IL1RAPL1: variants seen among roughly 807,000 people sequenced by gnomAD.
The protein encoded by IL1RAPL1 is interleukin-1 receptor accessory protein-like 1.
IL1RAPL1 carries 3 observed loss-of-function variants against 48.4 expected under a neutral mutation model. The ratio of observed to expected loss-of-function variants is 0.06; its 90% CI spans 0.03 to 0.16. The LOEUF is 0.16. Ranked by LOEUF, IL1RAPL1 falls within the 10% of genes least tolerant of loss-of-function variation. The pLI, the probability that IL1RAPL1 is intolerant of heterozygous loss-of-function variation, is 1.00. For synonymous variants in IL1RAPL1, 185 were observed against 187.7 expected, an observed-to-expected ratio of 0.99 and a Z score of 0.12; for missense variants, 349 against 530.6, an observed-to-expected ratio of 0.66 and a Z score of 3.36.
intron 6 of IL1RAPL1, among the ~76,000 whole-genome samples, chrX:29,791,726 C>CTT (rs1192890486): frequency 1.3e-5 from 1 of 75,367 alleles, no homozygotes; most frequent in Non-Finnish European, 2.5e-5. Flanking sequence ...GCCCAGCCTT[C>CTT]TTTTTTTTTT....
chrX:28,601,282 G>A lies in IL1RAPL1; in HGVS notation c.-25+13235G>A, dbSNP rs540979101. On this transcript the variant is annotated intron_variant, in intron 1 of 10. Transcript: ENST00000378993. ...AAAAAAATACAATAATTAGCTGGGC[G>A]TGGTGGCGCGTGCCTGTAGTACCAG... Among the ~76,000 whole-genome samples, 51 of 110,706 alleles carry A rather than the reference G, an allele frequency of 4.6e-4. No individual in the cohort carries two copies. In the South Asian group the frequency reaches 7.0e-3, roughly 15 times the overall value.
chrX:29,239,929 A>T (rs1307096279), intron 2 of IL1RAPL1, among the ~76,000 whole-genome samples: 9 of 108,842 alleles, frequency 8.3e-5, no homozygotes, highest in Non-Finnish European at 7.6e-5. Flanking sequence ...ATCCTTCTTC[A>T]GTAGCCATAT....
chrX:28,896,829 G>A (rs1922931004), intron 2 of IL1RAPL1, among the ~76,000 whole-genome samples: 2 of 110,112 alleles, frequency 1.8e-5, no homozygotes, highest in Admixed American at 1.9e-4. Flanking sequence ...GAGTAGGGAG[G>A]GAACAATGTG....
At chrX:29,328,412 C>T (rs1435263556) in intron 3 of IL1RAPL1, among the ~76,000 whole-genome samples, 1 of 110,803 alleles carries the variant, frequency 9.0e-6, no homozygotes, top group Non-Finnish European at 1.9e-5. Context: ...CTATTATACA[C>T]ACTGTACCAA....
chrX:28,946,362 G>T (rs182457532), intron 2 of IL1RAPL1, among the ~76,000 whole-genome samples: 31 of 110,438 alleles, frequency 2.8e-4, no homozygotes, highest in Admixed American at 6.8e-4. Context: ...TTAAAGTAAG[G>T]CCTCTGAAAA....
chrX:29,052,593 A>G (rs1927117849), intron 2 of IL1RAPL1, among the ~76,000 whole-genome samples: 1 of 106,688 alleles, frequency 9.4e-6, no homozygotes, highest in Non-Finnish European at 1.9e-5. Flanking sequence ...AGCCTCTGGT[A>G]ACCACCACTC....
intron 6 of IL1RAPL1, among the ~76,000 whole-genome samples, chrX:29,711,180 T>A (rs1281893003): frequency 1.0e-5 from 1 of 98,603 alleles, no homozygotes; most frequent in African/African-American, 4.2e-5. Flanking sequence ...GGTCCTTTTT[T>A]TTTCTTTTCT....
chrX:29,608,148 A>G (rs1052131722), intron 5 of IL1RAPL1, among the ~76,000 whole-genome samples: 1 of 111,874 alleles, frequency 8.9e-6, no homozygotes, highest in Non-Finnish European at 1.9e-5. Flanking sequence ...TTTCCACATG[A>G]TGTCTCTTCC....
chrX:28,981,652 C>T lies in IL1RAPL1; in HGVS notation c.82+192227C>T, dbSNP rs751348657. Among the ~76,000 whole-genome samples, 4 of 111,824 alleles carry T rather than the reference C, an allele frequency of 3.6e-5. No homozygotes were observed. In the South Asian group the frequency reaches 1.1e-3, roughly 32 times the overall value. On this transcript the variant is annotated intron_variant, in intron 2 of 10. Transcript: ENST00000378993. ...TCTATATTGTGTTTTCTTCTCTTCT[C>T]CTCCCAGCCTTGTCTTCCTGTTTAC... is the stretch of plus-strand genomic sequence containing the variant.
intron 2 of IL1RAPL1, among the ~76,000 whole-genome samples, chrX:29,101,917 A>G (rs1297679560): frequency 8.9e-6 from 1 of 111,819 alleles, no homozygotes; most frequent in Non-Finnish European, 1.9e-5. Context: ...AGCCTGGGCA[A>G]CAAGAACGAA....
intron 3 of IL1RAPL1, among the ~76,000 whole-genome samples, chrX:29,322,747 C>T (rs1046938028): frequency 3.6e-5 from 4 of 111,248 alleles, no homozygotes; most frequent in African/African-American, 1.3e-4. Context: ...AGTGTCTTAA[C>T]CCTTCAAAGA....
At chrX:28,745,210 A>G (rs1037468184) in intron 1 of IL1RAPL1, among the ~76,000 whole-genome samples, 8 of 111,786 alleles carry the variant, frequency 7.2e-5, no homozygotes, top group South Asian at 3.7e-4. Flanking sequence ...ATACCATGAT[A>G]CTGATCATCT....
At chrX:29,342,059 G>A (rs938446922) in intron 3 of IL1RAPL1, among the ~76,000 whole-genome samples, 67 of 109,431 alleles carry the variant, frequency 6.1e-4, no homozygotes, top group African/African-American at 1.7e-3. Context: ...CACCCACCTC[G>A]GCCTCCCAAA....
chrX:29,096,166 C>T (rs985967821), intron 2 of IL1RAPL1, among the ~76,000 whole-genome samples: 9 of 111,283 alleles, frequency 8.1e-5, no homozygotes, highest in African/African-American at 2.9e-4. Context: ...GTGCAGCACC[C>T]TACCAAAAAC....
intron 2 of IL1RAPL1, among the ~76,000 whole-genome samples, chrX:28,971,901 T>TGTGTGTGC (rs2147369436): frequency 9.2e-6 from 1 of 108,118 alleles, no homozygotes; most frequent in South Asian, 4.0e-4. Flanking sequence ...TGTGTGTGTG[T>TGTGTGTGC]GTGTGTGTGT....
At chrX:29,940,637 A>G (rs1933111922) in intron 8 of IL1RAPL1, among the ~76,000 whole-genome samples, 1 of 112,065 alleles carries the variant, frequency 8.9e-6, no homozygotes, top group East Asian at 2.8e-4. Context: ...AAATCTATGC[A>G]TGATGGCTTA....
intron 8 of IL1RAPL1, among the ~76,000 whole-genome samples, chrX:29,920,794 C>CAAAAAAAAAA (rs1176529100): frequency 2.3e-3 from 71 of 31,451 alleles, no homozygotes; most frequent in East Asian, 4.2e-3. Flanking sequence ...GACCCTGTCT[C>CAAAAAAAAAA]AAAAAAAAAA....
chrX:29,684,995 ATT>A (rs1283507890), intron 6 of IL1RAPL1, among the ~76,000 whole-genome samples: 11 of 112,488 alleles, frequency 9.8e-5, no homozygotes, highest in African/African-American at 2.9e-4. Context: ...TCTGAATATA[ATT>A]ATCTGACTAT....
rs1352076757 is a variant in IL1RAPL1, at chrX:29,802,745, AAT to A, written c.779-114718_779-114717del. 2.1e-3 allele frequency among the ~76,000 whole-genome samples: 105 copies of A among 49,984 alleles called. 1 individual carries two copies. Among genetic ancestry groups the A allele is most frequent in the Non-Finnish European group, 2.3e-3 (60 of 25,822 alleles). The allele number at this position is 49,984 out of a possible 115,157, so 43.4% of individuals were successfully genotyped here. A position where few individuals can be genotyped will look rare whatever the true frequency, so the allele number is the denominator to read the frequency against. ...CAAGCTATGAGGTCTCTGAGGAAAAAATTATATATATATATATATATATATAT... is the reference window on the plus strand; with the variant it reads ...CAAGCTATGAGGTCTCTGAGGAAAAATATATATATATATATATATATATAT... On this transcript the variant is annotated intron_variant, in intron 6 of 10. Transcript: ENST00000378993.
Sources: gnomAD v4.1 joint callset for allele counts (sites outside exome capture counted in the v4.1 genomes callset) on GRCh38, gnomAD v4.1.1 for gene constraint, MANE v1.5 for transcripts, NCBI Gene and HGNC (gene_info 2026-07-23, HGNC 2026-07-21) for gene names.